Variants in GALNT13 observed in about 807,000 individuals in gnomAD.
The protein encoded by GALNT13 is UDP-GalNAc:polypeptide N-acetylgalactosaminyltransferase 13.
Under a neutral mutation model 64.2 loss-of-function variants are expected in GALNT13, and 28 were observed. The ratio of observed to expected loss-of-function variants is 0.44; its 90% CI spans 0.32 to 0.60. The LOEUF (loss-of-function observed/expected upper bound fraction) is 0.60. GALNT13 is among the 20% of genes least tolerant of loss of function. The pLI is 0.05. For missense variants in GALNT13, 577 were observed against 669.8 expected (o/e 0.86, Z 1.53); for synonymous variants, 214 against 224.6 (o/e 0.95, Z 0.42).
At chr2:153,746,542 A>C in the GALNT13 span, among the ~76,000 whole-genome samples, 37 of 152,216 alleles carry the variant, frequency 2.4e-4, no homozygotes, top group Admixed American at 7.2e-4. Flanking sequence ...ATTTACACTA[A>C]TGAACATCTG....
chr2:154,151,470 A>G (rs1243595032), intron 4 of GALNT13, among the ~76,000 whole-genome samples: 1 of 152,084 alleles, frequency 6.6e-6, no homozygotes, highest in Non-Finnish European at 1.5e-5. Context: ...GCTGAGTTCA[A>G]TTCCTGGGTA....
At chr2:154,001,316 A>C (rs887755053) in intron 3 of GALNT13, among the ~76,000 whole-genome samples, 2 of 151,912 alleles carry the variant, frequency 1.3e-5, no homozygotes, top group Non-Finnish European at 2.9e-5. Context: ...AGGGTTTATT[A>C]CTGATATATT....
chr2:153,739,779 G>A, the GALNT13 span, among the ~76,000 whole-genome samples: 1 of 150,650 alleles, frequency 6.6e-6, no homozygotes, highest in South Asian at 2.1e-4. Context: ...TTAATATTTG[G>A]CTAAAAATTT....
chr2:154,140,507 TA>T lies in GALNT13; in HGVS notation c.311+4del. ...TCTGCCAGATGTAAGATTAGAAGGG[TA>T]AGTTTGCATTTGTTATATAATCTTT... On this transcript the variant is annotated splice_donor_region_variant and intron_variant, in intron 4 of 12. Coordinates refer to ENST00000392825, the MANE Select transcript of GALNT13 (RefSeq NM_052917.4). 6.3e-7 allele frequency: 1 copy of T among 1,591,828 alleles called. No individual in the cohort carries two copies. Among genetic ancestry groups the T allele is most frequent in the Non-Finnish European group, 8.6e-7 (1 of 1,164,388 alleles).
chr2:154,116,067 G>A (rs575845820), intron 3 of GALNT13, among the ~76,000 whole-genome samples: 1 of 152,236 alleles, frequency 6.6e-6, no homozygotes, highest in African/African-American at 2.4e-5. Flanking sequence ...AACTGCCTCA[G>A]GGGAGGCCAT....
chr2:153,471,415 A>G, the GALNT13 span, among the ~76,000 whole-genome samples: 1 of 152,076 alleles, frequency 6.6e-6, no homozygotes, highest in South Asian at 2.1e-4. Context: ...GATGTTTGCA[A>G]TCATTCCAAG....
At chr2:153,092,891 G>T in the GALNT13 span, among the ~76,000 whole-genome samples, 1 of 152,232 alleles carries the variant, frequency 6.6e-6, no homozygotes, top group South Asian at 2.1e-4. Flanking sequence ...GTACCATGTT[G>T]AATAACAGTG....
At chr2:153,538,326 CTTTTT>C in the GALNT13 span, among the ~76,000 whole-genome samples, 1 of 100,846 alleles carries the variant, frequency 9.9e-6, no homozygotes, top group Non-Finnish European at 2.2e-5. Flanking sequence ...TTTTTTAATT[CTTTTT>C]TTTTTTTTTT....
At chr2:154,179,065 C>T (rs1685814210) in intron 4 of GALNT13, among the ~76,000 whole-genome samples, 1 of 152,094 alleles carries the variant, frequency 6.6e-6, no homozygotes, top group African/African-American at 2.4e-5. Flanking sequence ...TCCTTTATTG[C>T]CACATCTGCC....
the GALNT13 span, among the ~76,000 whole-genome samples, chr2:153,349,397 T>C: frequency 6.6e-6 from 1 of 152,212 alleles, no homozygotes; most frequent in Non-Finnish European, 1.5e-5. Flanking sequence ...CTGGTGTTAT[T>C]AAGACAATAT....
At chr2:154,406,188 C>T (rs1355829949) in intron 10 of GALNT13, among the ~76,000 whole-genome samples, 2 of 152,108 alleles carry the variant, frequency 1.3e-5, no homozygotes, top group African/African-American at 2.4e-5. Context: ...AACTCACATT[C>T]GATTCAATGG....
intron 9 of GALNT13, among the ~76,000 whole-genome samples, chr2:154,356,674 C>T (rs1265506454): frequency 6.6e-6 from 1 of 151,912 alleles, no homozygotes; most frequent in East Asian, 1.9e-4. Flanking sequence ...TCCCAAACCT[C>T]CGCCATTAAT....
chr2:154,343,870 C>CA (rs1695912395), intron 9 of GALNT13, among the ~76,000 whole-genome samples: 1 of 152,142 alleles, frequency 6.6e-6, no homozygotes, highest in African/African-American at 2.4e-5. Context: ...GCTGCTCTGA[C>CA]TGTTTTTACT....
chr2:154,394,077 C>CAAAAAAAAAA (rs369267777), intron 9 of GALNT13, among the ~76,000 whole-genome samples: 588 of 32,004 alleles, frequency 0.018, 75 homozygotes, highest in Non-Finnish European at 0.022. Flanking sequence ...GACTCCGTCT[C>CAAAAAAAAAA]AAAAAAAAAA....
At chr2:154,121,704 C>T (rs1029955653) in intron 3 of GALNT13, among the ~76,000 whole-genome samples, 2 of 151,450 alleles carry the variant, frequency 1.3e-5, no homozygotes, top group African/African-American at 4.8e-5. Flanking sequence ...TACTATAGCA[C>T]TATTTGCTAT....
chr2:154,161,698 C>A (rs1033065516), intron 4 of GALNT13, among the ~76,000 whole-genome samples: 17 of 151,886 alleles, frequency 1.1e-4, no homozygotes, highest in African/African-American at 4.1e-4. Context: ...AATCATTTTT[C>A]AATGTTTTTG....
the GALNT13 span, among the ~76,000 whole-genome samples, chr2:153,474,033 A>G: frequency 6.6e-6 from 1 of 152,212 alleles, no homozygotes; most frequent in Non-Finnish European, 1.5e-5. Flanking sequence ...AAAAACTGTC[A>G]TCTACTCTGG....
chr2:154,443,575 A>T (rs1574320916), intron 12 of GALNT13, among the ~76,000 whole-genome samples: 1 of 152,062 alleles, frequency 6.6e-6, no homozygotes, highest in East Asian at 1.9e-4. Flanking sequence ...CTCTTAAATC[A>T]ACTATGCAGT....
At chr2:154,025,253 C>T (rs1863085) in intron 3 of GALNT13, among the ~76,000 whole-genome samples, 116,536 of 152,084 alleles carry the variant, frequency 0.77, 45,047 homozygotes, top group East Asian at 0.96. Flanking sequence ...CCGTCTTCTG[C>T]GTCACTCACG....
Sources: gnomAD v4.1 joint callset for allele counts (sites outside exome capture counted in the v4.1 genomes callset) on GRCh38, gnomAD v4.1.1 for gene constraint, MANE v1.5 for transcripts, NCBI Gene and HGNC (gene_info 2026-07-23, HGNC 2026-07-21) for gene names.